MGAM: variants seen among roughly 807,000 people sequenced by gnomAD.
MGAM encodes the protein maltase-glucoamylase.
A neutral mutation model predicts 358.8 loss-of-function variants in MGAM; 253 were observed. The ratio of observed to expected loss-of-function variants is 0.71; its 90% CI spans 0.64 to 0.78. The LOEUF (loss-of-function observed/expected upper bound fraction) is 0.78. Among genes scored for constraint, MGAM ranks in the 30% least tolerant of loss-of-function variants. The pLI is 0.00. For synonymous variants in MGAM, 1,105 were observed against 1,227.1 expected, an observed-to-expected ratio of 0.90 and a Z score of 2.08; for missense variants, 3,080 against 3,432.6, an observed-to-expected ratio of 0.90 and a Z score of 2.57.
intron 3 of MGAM, among the ~76,000 whole-genome samples, chr7:142,017,741 G>T (rs1806087326): frequency 6.6e-6 from 1 of 152,024 alleles, no homozygotes; most frequent in Non-Finnish European, 1.5e-5. Context: ...GGACATCGTT[G>T]TTTATCCCTC....
chr7:142,057,652 ATGG>A (rs1811692194), intron 30 of MGAM, among the ~76,000 whole-genome samples: 1 of 150,810 alleles, frequency 6.6e-6, no homozygotes, highest in Non-Finnish European at 1.5e-5. Context: ...AATAGTGATG[ATGG>A]TGGTGGTGAT....
rs1216800975 is a variant in MGAM at position 142,082,407 on chromosome 7, TTTG to T, written c.6172-64_6172-62del. ...CTAGACCCATCTTAGCAAGCATATT[TTTG>T]TTGAGTTTCTTTCTCAGGCATAATG... is the stretch of plus-strand genomic sequence containing the variant. On this transcript the variant is annotated intron_variant, in intron 51 of 70. Transcript: ENST00000475668. 1.9e-5 allele frequency: 25 copies of T among 1,325,078 alleles called. 3 individuals carry two copies. The highest frequency in any genetic ancestry group is 1.0e-4 in the Admixed American group (5 of 49,226). The allele number at this position is 1,325,078 out of a possible 1,614,324, so 82.1% of individuals were successfully genotyped here.
At chr7:142,027,876 G>C (rs1807118038) in intron 10 of MGAM, 141 bp downstream of exon 10, 1 of 879,310 alleles carries the variant, frequency 1.1e-6, no homozygotes, top group African/African-American at 2.8e-5. Context: ...CAGAATACTA[G>C]ACATTTTTTT....
Position 142,086,644 on chromosome 7 carries a change from T to A in MGAM, c.6748-11T>A, listed in dbSNP as rs1814789594. 9.1e-7 allele frequency: 1 copy of A among 1,103,802 alleles called. No individual in the cohort carries two copies. Among genetic ancestry groups the A allele is most frequent in the East Asian group, 2.8e-5 (1 of 35,402 alleles). 68.4% of individuals were successfully genotyped at this position (1,103,802 alleles called of 1,614,324 possible). ...CTAGTGCATCGCTACTGAACATGTT[T>A]CTCTCCATAGGTCTGGCCTGATTTT... On this transcript the variant is annotated splice_polypyrimidine_tract_variant and intron_variant, in intron 56 of 70. Transcript: ENST00000475668.
chr7:141,997,765 G>T (rs1157933714), intron 1 of MGAM, among the ~76,000 whole-genome samples: 1 of 152,052 alleles, frequency 6.6e-6, no homozygotes, highest in Admixed American at 6.6e-5. Context: ...TCTCACCTTG[G>T]GTGTGACCAG....
chr7:142,080,461 T>C (rs1306677143), intron 49 of MGAM, among the ~76,000 whole-genome samples: 1 of 146,360 alleles, frequency 6.8e-6, no homozygotes, highest in African/African-American at 2.4e-5. Context: ...AGAAAAGTTT[T>C]AAGGTATTTA....
chr7:142,082,834 C>T (rs1361278466), intron 52 of MGAM, among the ~76,000 whole-genome samples: 1 of 145,828 alleles, frequency 6.9e-6, no homozygotes, highest in Non-Finnish European at 1.6e-5. Context: ...TCTTGGAGGT[C>T]AGCTCGTGAG....
chr7:142,060,055 A>G, intron 33 of MGAM, 89 bp downstream of exon 33: 2 of 1,372,396 alleles, frequency 1.5e-6, no homozygotes. Context: ...ACGCCTGTGT[A>G]TGTTATTTTT....
intron 4 of MGAM, among the ~76,000 whole-genome samples, chr7:142,020,750 T>C (rs1458716210): frequency 1.3e-5 from 2 of 151,718 alleles, no homozygotes; most frequent in Non-Finnish European, 2.9e-5. Context: ...TGCACCACCA[T>C]ACCCGGCTAA....
At chr7:142,020,599 A>ATTTTTT (rs1367804626) in intron 4 of MGAM, among the ~76,000 whole-genome samples, 1 of 133,564 alleles carries the variant, frequency 7.5e-6, no homozygotes, top group African/African-American at 3.1e-5. Flanking sequence ...ATATATATAT[A>ATTTTTT]TATATTTTTT....
chr7:142,093,108 C>T (rs550873455), intron 59 of MGAM, among the ~76,000 whole-genome samples: 1 of 146,556 alleles, frequency 6.8e-6, no homozygotes, highest in South Asian at 2.2e-4. Context: ...ATGAGATCTT[C>T]TTCATAGAAT....
At chr7:142,043,139 C>A (rs377187006) in intron 21 of MGAM, among the ~76,000 whole-genome samples, 218 of 9,696 alleles carry the variant, frequency 0.022, no homozygotes, top group Non-Finnish European at 0.031. Flanking sequence ...ATTATATATA[C>A]ATATAATATC....
chr7:142,083,757 GGTA>G (rs149878742), intron 53 of MGAM, among the ~76,000 whole-genome samples: 9,740 of 143,518 alleles, frequency 0.068, 1,215 homozygotes, highest in African/African-American at 0.21. Flanking sequence ...TAATGATGGT[GGTA>G]GTAGTAGTGG....
At chr7:142,027,834 T>C in intron 10 of MGAM, 99 bp downstream of exon 10, 1 of 1,306,442 alleles carries the variant, frequency 7.7e-7, no homozygotes, top group South Asian at 2.0e-5. Flanking sequence ...AATTGATTTA[T>C]TTATTTGGTA....
In MGAM at chr7:142,078,765, A is replaced by G. The variant is rs1447833812; in HGVS notation, c.5647-43A>G. ...CCTGTTTAGGTTAGAGAACTTTAAG[A>G]CCACATGCTGTGCTGATCTATGACT... On this transcript the variant is annotated intron_variant, in intron 48 of 70. Transcript: ENST00000475668. 5 of 1,495,540 alleles carry G rather than the reference A, an allele frequency of 3.3e-6. No individual in the cohort carries two copies. In the East Asian group the frequency reaches 6.9e-5, roughly 21 times the overall value. The allele number at this position is 1,495,540 out of a possible 1,614,324, so 92.6% of individuals were successfully genotyped here.
At chr7:142,027,326 T>A in intron 9 of MGAM, 99 bp downstream of exon 9, 5 of 978,824 alleles carry the variant, frequency 5.1e-6, no homozygotes, top group Non-Finnish European at 7.9e-6. Context: ...CAAAATCTGC[T>A]GTTACAAATT....
rs990653803 is a variant in MGAM, at chr7:142,073,536, T to A, written c.5187-549T>A. Among the ~76,000 whole-genome samples the A allele has an allele frequency of 5.5e-5, 8 of 146,620 alleles. 1 individual carries two copies. The highest frequency in any genetic ancestry group is 1.9e-4 in the African/African-American group (8 of 41,204). Reference sequence around the variant, plus strand: ...TTAAGTAATGTGTTGTGTTTCCTATTCTAAATTCTAAAGTAGATCATTAGA... The same window carrying A: ...TTAAGTAATGTGTTGTGTTTCCTATACTAAATTCTAAAGTAGATCATTAGA... On this transcript the variant is annotated intron_variant, in intron 44 of 70. Coordinates refer to ENST00000475668, the MANE Select transcript of MGAM (RefSeq NM_001365693.1).
intron 21 of MGAM, among the ~76,000 whole-genome samples, chr7:142,045,369 A>G (rs1386136759): frequency 2.1e-5 from 2 of 96,352 alleles, no homozygotes; most frequent in Admixed American, 1.6e-4. Context: ...GATATATAAT[A>G]TATATTATAT....
intron 70 of MGAM, among the ~76,000 whole-genome samples, chr7:142,103,858 AT>A (rs111391825): frequency 0.072 from 10,309 of 142,972 alleles, 972 homozygotes; most frequent in African/African-American, 0.23. Flanking sequence ...TTATCACTCA[AT>A]TTTTTTTTTT....
Sources: allele counts gnomAD v4.1 joint callset (sites outside exome capture counted in the v4.1 genomes callset), GRCh38; gene constraint gnomAD v4.1.1; transcripts MANE v1.5; gene names NCBI Gene and HGNC (gene_info 2026-07-23, HGNC 2026-07-21).